LMO2: variants seen among roughly 807,000 people sequenced by gnomAD.
LMO2 encodes the protein rhombotin-2.
In LMO2, 20 loss-of-function variants were observed where a neutral mutation model predicts 23.2. That is an observed-to-expected ratio of 0.86 (90% CI 0.61 to 1.25). The LOEUF (loss-of-function observed/expected upper bound fraction) is 1.25. Ranked by LOEUF, LMO2 falls within the 50% of genes most tolerant of loss-of-function variation. LMO2 has a pLI of 0.00. For synonymous variants in LMO2, 123 were observed against 130.2 expected (o/e 0.94, Z 0.38); for missense variants, 270 against 315.3 (o/e 0.86, Z 1.09).
rs1006579641 is a variant in LMO2 at position 33,868,894 on chromosome 11, T to C, written c.248+452A>G. 1.1e-4 allele frequency among the ~76,000 whole-genome samples: 16 copies of C among 152,262 alleles called. No homozygotes were observed. In the South Asian group the frequency reaches 1.2e-3, roughly 12 times the overall value. Reference sequence around the variant, plus strand: ...CACCTGCGGACCGGGAAGGCGGCCGTTGGGGACCCCGGAGGCCGCCACTTG... The same window carrying C: ...CACCTGCGGACCGGGAAGGCGGCCGCTGGGGACCCCGGAGGCCGCCACTTG... On this transcript the variant is annotated intron_variant, in intron 4 of 5. Coordinates refer to ENST00000257818, the MANE Select transcript of LMO2 (RefSeq NM_005574.4).
At position 33,869,943 on chromosome 11, in the gene LMO2, A is replaced by G. The variant is rs1434466291; in HGVS notation, c.-227T>C. ...GCTTCCTCCTCTCTCGGGAAGGTCTATTTTCGCTCAGCTTCCCTCTGTCTC... is the reference window on the plus strand; with the variant it reads ...GCTTCCTCCTCTCTCGGGAAGGTCTGTTTTCGCTCAGCTTCCCTCTGTCTC... On this transcript the variant is annotated 5_prime_UTR_variant, in exon 3 of 6. Coordinates refer to ENST00000257818, the MANE Select transcript of LMO2 (RefSeq NM_005574.4). 5.7e-5 allele frequency: 59 copies of G among 1,043,392 alleles called. No individual in the cohort carries two copies. Among genetic ancestry groups the G allele is most frequent in the South Asian group, 9.2e-5 (2 of 21,790 alleles). 64.6% of individuals were successfully genotyped at this position (1,043,392 alleles called of 1,614,324 possible).
Position 33,864,512 on chromosome 11 carries a change from C to T in LMO2, c.464+90G>A. On this transcript the variant is annotated intron_variant, in intron 5 of 5. Coordinates refer to ENST00000257818, the MANE Select transcript of LMO2 (RefSeq NM_005574.4). The surrounding 1 kb of genome is among the most constrained non-coding windows in gnomAD (Gnocchi z 4.8). The stretch of plus-strand genomic sequence containing the variant: ...CTATAGGTGGTGTCCGAGCCTGGAG[C>T]AGGGTAAGGGGCAACACACACCGAC... The T allele has an allele frequency of 1.9e-6, 2 of 1,039,308 alleles. No individual in the cohort carries two copies. Among genetic ancestry groups the T allele is most frequent in the Non-Finnish European group, 2.8e-6 (2 of 711,584 alleles). 64.4% of individuals were successfully genotyped at this position (1,039,308 alleles called of 1,614,324 possible).
intron 1 of LMO2, 123 bp from the exon 2 acceptor site, chr11:33,882,010 G>A (rs1432932287): frequency 6.6e-6 from 1 of 152,330 alleles, no homozygotes; most frequent in Non-Finnish European, 1.5e-5. Context: ...ATAAACTAGG[G>A]AAAAAGACCC....
At chr11:33,873,524 C>A (rs964864333) in intron 2 of LMO2, among the ~76,000 whole-genome samples, 1 of 152,136 alleles carries the variant, frequency 6.6e-6, no homozygotes, top group Non-Finnish European at 1.5e-5. Context: ...TTATTGTATC[C>A]TCCCTTAACA....
chr11:33,863,746 G>A (rs1226694715), intron 5 of LMO2, among the ~76,000 whole-genome samples: 1 of 152,260 alleles, frequency 6.6e-6, no homozygotes, highest in Non-Finnish European at 1.5e-5. Context: ...GAGCATGGGA[G>A]ATGTCCTCAG....
In LMO2 at chr11:33,862,898, T is replaced by C. The variant is rs144603336; in HGVS notation, c.464+1704A>G. 6.2e-4 allele frequency among the ~76,000 whole-genome samples: 94 copies of C among 152,216 alleles called. 1 individual carries two copies. Among genetic ancestry groups the C allele is most frequent in the African/African-American group, 2.1e-3 (89 of 41,544 alleles). ...AGGAATGTGGCAGGGAGAAGAATTA[T>C]TTCATGTCACCAAGACACAAGTTAA... On this transcript the variant is annotated intron_variant, in intron 5 of 5. Transcript: ENST00000257818.
intron 1 of LMO2, among the ~76,000 whole-genome samples, chr11:33,884,088 C>T (rs929296855): frequency 6.6e-6 from 1 of 152,220 alleles, no homozygotes; most frequent in Admixed American, 6.5e-5. Flanking sequence ...ACACCTGACC[C>T]GGTGATCACA....
At chr11:33,874,946 G>A (rs1283405641) in intron 2 of LMO2, among the ~76,000 whole-genome samples, 4 of 152,260 alleles carry the variant, frequency 2.6e-5, no homozygotes. Context: ...GTTCTTAGCA[G>A]TGTTAAGCTC....
chr11:33,872,955 G>T (rs1857060824), intron 2 of LMO2, among the ~76,000 whole-genome samples: 1 of 152,126 alleles, frequency 6.6e-6, no homozygotes, highest in African/African-American at 2.4e-5. Context: ...TAGAGACGGG[G>T]TTTCACCATG....
intron 3 of LMO2, 33 bp from the exon 4 acceptor site, chr11:33,869,619 G>A (rs1287496812): frequency 5.5e-6 from 7 of 1,262,384 alleles, no homozygotes; most frequent in African/African-American, 4.8e-5. Flanking sequence ...GCGAATCACC[G>A]GGCTGCGGGC....
chr11:33,860,254 A>T (rs921194505), intron 5 of LMO2, among the ~76,000 whole-genome samples: 1 of 152,102 alleles, frequency 6.6e-6, no homozygotes, highest in Non-Finnish European at 1.5e-5. Context: ...ATCTTAATTC[A>T]TGGCCCTCGC....
At chr11:33,881,212 C>T (rs1185015879) in intron 2 of LMO2, 8 of 457,082 alleles carry the variant, frequency 1.8e-5, no homozygotes, top group East Asian at 6.9e-5. Context: ...CCTGCTGACT[C>T]CTCTCACGCT....
chr11:33,880,826 A>T lies in LMO2; in HGVS notation c.-272+998T>A. On this transcript the variant is annotated intron_variant, in intron 2 of 5. Coordinates refer to ENST00000257818, the MANE Select transcript of LMO2 (RefSeq NM_005574.4). This position sits in a 1 kb window ranked among gnomAD's most constrained non-coding sequence, Gnocchi z 4.3. ...CATCTGTGGAACCATTCGACAACCA[A>T]ATGTTATGGGGAAGCCAGTCTCATG... 1 of 212,104 alleles carries T rather than the reference A, an allele frequency of 4.7e-6. No homozygotes were observed. 13.1% of individuals were successfully genotyped at this position (212,104 alleles called of 1,614,324 possible). A position where few individuals can be genotyped will look rare whatever the true frequency, so the allele number is the denominator to read the frequency against.
intron 2 of LMO2, among the ~76,000 whole-genome samples, chr11:33,877,519 C>T (rs138630593): frequency 0.011 from 1,404 of 131,724 alleles, 27 homozygotes; most frequent in African/African-American, 0.039. Context: ...GGCTGGAGTG[C>T]GGTGGCGTGA....
At position 33,888,001 on chromosome 11, in the gene LMO2, C is replaced by A. The variant is rs567572844; in HGVS notation, c.-336+3794G>T. 1.2e-4 allele frequency among the ~76,000 whole-genome samples: 19 copies of A among 152,220 alleles called. No individual in the cohort carries two copies. The East Asian group carries it at 3.3e-3, about 26-fold the overall frequency. The stretch of plus-strand genomic sequence containing the variant: ...GGAGGTGAGGCTGCTGTGCTAGGAG[C>A]TTAACCACCAGTGAAGGGTTGAAGA... On this transcript the variant is annotated intron_variant, in intron 1 of 5. Transcript: ENST00000257818.
intron 1 of LMO2, among the ~76,000 whole-genome samples, chr11:33,886,632 G>C (rs1038894133): frequency 2.0e-5 from 3 of 152,202 alleles, no homozygotes; most frequent in African/African-American, 7.2e-5. Flanking sequence ...AGCATTTAGG[G>C]CTGGCCTTTT....
rs1412224046 is a variant in LMO2 at position 33,864,497 on chromosome 11, T to G, written c.464+105A>C. 2.4e-6 allele frequency: 2 copies of G among 843,856 alleles called. No individual in the cohort carries two copies. The highest frequency in any genetic ancestry group is 4.7e-5 in the Admixed American group (2 of 42,790). The allele number at this position is 843,856 out of a possible 1,614,324, so 52.3% of individuals were successfully genotyped here. On this transcript the variant is annotated intron_variant, in intron 5 of 5. Transcript: ENST00000257818. The surrounding 1 kb of genome is among the most constrained non-coding windows in gnomAD (Gnocchi z 4.8). ...CAGTCTGACCTCTTTCTATAGGTGG[T>G]GTCCGAGCCTGGAGCAGGGTAAGGG... is the stretch of plus-strand genomic sequence containing the variant.
intron 1 of LMO2, among the ~76,000 whole-genome samples, chr11:33,888,253 G>A (rs1424027111): frequency 6.6e-6 from 1 of 152,188 alleles, no homozygotes; most frequent in Non-Finnish European, 1.5e-5. Context: ...GATGCAAATG[G>A]CCAGCCTTAT....
Position 33,890,678 on chromosome 11 carries a change from G to A in LMO2, c.-336+1117C>T, listed in dbSNP as rs148601928. The stretch of plus-strand genomic sequence containing the variant: ...GTAAGTTTTTTAAAAACCTAGAGGT[G>A]AGTAATTATAATAAGTGATATTATT... On this transcript the variant is annotated intron_variant, in intron 1 of 5. Coordinates refer to ENST00000257818, the MANE Select transcript of LMO2 (RefSeq NM_005574.4). Among the ~76,000 whole-genome samples the A allele has an allele frequency of 7.2e-5, 11 of 152,242 alleles. No homozygotes were observed. In the East Asian group the frequency reaches 2.1e-3, roughly 29 times the overall value.
Sources: allele counts gnomAD v4.1 joint callset (sites outside exome capture counted in the v4.1 genomes callset), GRCh38; gene constraint gnomAD v4.1.1; non-coding constraint Gnocchi (gnomAD v3.1); transcripts MANE v1.5; gene names NCBI Gene and HGNC (gene_info 2026-07-23, HGNC 2026-07-21).